Variants in CHTF18 observed in about 807,000 individuals in gnomAD.
CHTF18 encodes chromosome transmission fidelity protein 18 homolog.
In CHTF18, 151 loss-of-function variants were observed where a neutral mutation model predicts 113.4. That is an observed-to-expected ratio of 1.33 (90% CI 1.17 to 1.52). CHTF18 has a LOEUF of 1.52. Among genes scored for constraint, CHTF18 ranks in the 40% most tolerant of loss-of-function variants. The pLI is 0.00. For missense variants in CHTF18, 1,982 were observed against 1,381.6 expected (o/e 1.43, Z -6.89); for synonymous variants, 916 against 598.8 (o/e 1.53, Z -7.74).
chr16:792,679 G>T (rs1308894478), intron 11 of CHTF18, 39 bp from the exon 12 acceptor site: 3 of 1,583,756 alleles, frequency 1.9e-6, no homozygotes, highest in Non-Finnish European at 2.6e-6. Flanking sequence ...GGGCTGTGGT[G>T]CCAACCCTGG....
At chr16:788,820 G>C in intron 1 of CHTF18, 45 bp downstream of exon 1, 1 of 1,561,746 alleles carries the variant, frequency 6.4e-7, no homozygotes. Context: ...GCGAAAGCCG[G>C]GACAGTGGCG....
rs760158226 is a variant in CHTF18 at position 793,125 on chromosome 16, G to GC, written c.1672-14dup. 1 of 1,583,808 alleles carries GC rather than the reference G, an allele frequency of 6.3e-7. No individual in the cohort carries two copies. The highest frequency in any genetic ancestry group is 1.8e-5 in the Admixed American group (1 of 56,350). ...GGGTCAGGAGTTGGCCGCTTCTCAT[G>GC]CCCCCGCCCTATGTCTAGTTCCTGT... On this transcript the variant is annotated intron_variant, in intron 13 of 21. Transcript: ENST00000262315.
Position 797,679 on chromosome 16 carries a change from C to G in CHTF18, c.2734-15C>G. 6.2e-7 allele frequency: 1 copy of G among 1,611,680 alleles called. No homozygotes were observed. Among genetic ancestry groups the G allele is most frequent in the Non-Finnish European group, 8.5e-7 (1 of 1,179,628 alleles). On this transcript the variant is annotated splice_polypyrimidine_tract_variant and intron_variant, in intron 20 of 21. Coordinates refer to ENST00000262315, the MANE Select transcript of CHTF18 (RefSeq NM_022092.3). ...CATCTGTCCTATACGACTGACTAGT[C>G]CTTCCTCCCATCAGCCTGAGAAGGA...
chr16:796,995 TG>T lies in CHTF18; in HGVS notation c.2642del (p.Gly881AlafsTer23). On this transcript the variant is annotated frameshift_variant, in exon 20 of 22. Coordinates refer to ENST00000262315, the MANE Select transcript of CHTF18 (RefSeq NM_022092.3). LOFTEE classifies it high-confidence loss of function. ...AGCCCCCCAGGGCTCGAGGGTCTGC[TG>T]GGGGGCATTGGGGAGAAAGGGGTGC... Reference protein sequence around the residue: ...DGSPPGLEGLLGGIGEKGVHR... With the variant: ...DGSPPGLEGLXGGIGEKGVHR... The T allele has an allele frequency of 2.6e-6, 4 of 1,542,438 alleles. No individual in the cohort carries two copies. The highest frequency in any genetic ancestry group is 2.0e-5 in the Admixed American group (1 of 50,408).
chr16:790,957 C>A, intron 7 of CHTF18: 1 of 1,435,574 alleles, frequency 7.0e-7, no homozygotes, highest in Non-Finnish European at 9.1e-7. Flanking sequence ...AGGGCAGGGG[C>A]CTCCCAGATG....
chr16:797,923 A>T lies in CHTF18; in HGVS notation c.2876A>T (p.Glu959Val). 1 of 1,612,370 alleles carries T rather than the reference A, an allele frequency of 6.2e-7. No individual in the cohort carries two copies. Among genetic ancestry groups the T allele is most frequent in the South Asian group, 1.1e-5 (1 of 91,010 alleles). Residue 959 changes from glutamate to valine, a missense_variant, in exon 22 of 22, where the codon GAG becomes GTG. By Grantham distance (121) the Glu-to-Val change is moderately radical. Coordinates refer to ENST00000262315, the MANE Select transcript of CHTF18 (RefSeq NM_022092.3). ...GRSEVWFRFN[E>V]GVSNAVRRSL... ...AGCGAGGTCTGGTTCCGCTTCAACG[A>T]GGGTGTCTCCAACGCCGTGCGGCGC...
chr16:789,948 C>T (rs950103063), intron 4 of CHTF18: 20 of 1,511,774 alleles, frequency 1.3e-5, no homozygotes, highest in Admixed American at 2.0e-5. Flanking sequence ...CCTTGCTTCC[C>T]CTCCTGCTTT....
Position 795,295 on chromosome 16 carries a change from T to G in CHTF18, c.2114T>G (p.Phe705Cys). 6.5e-7 allele frequency: 1 copy of G among 1,548,908 alleles called. No individual in the cohort carries two copies. The highest frequency in any genetic ancestry group is 8.7e-7 in the Non-Finnish European group (1 of 1,146,706). Residue 705 changes from phenylalanine (F) to cysteine (C), a missense_variant, in exon 16 of 22, where the codon TTC becomes TGC. Transcript: ENST00000262315. The stretch of plus-strand genomic sequence containing the variant: ...TACCCACCCTTCCTGCCCGTGGCCT[T>G]CCATGTGCTGTTTGCTTCCAGCCAC... ...LRYPPFLPVAFHVLFASSHTP... is the reference protein window; with the variant it reads ...LRYPPFLPVACHVLFASSHTP...
chr16:791,296 T>G lies in CHTF18; in HGVS notation c.1030T>G (p.Trp344Gly), dbSNP rs774560775. The G allele has an allele frequency of 3.1e-6, 5 of 1,610,630 alleles. No homozygotes were observed. The South Asian group carries it at 4.4e-5, about 14-fold the overall frequency. ...VSKEATAPGK[W>G]KSHEQVLEEM... ...CAAGGAGGCCACAGCCCCAGGCAAG[T>G]GGAAGAGCCACGAACAGGTGCTGGA... Residue 344 changes from tryptophan to glycine, a missense_variant, in exon 8 of 22, where the codon TGG (tryptophan) becomes GGG (glycine). Coordinates refer to ENST00000262315, the MANE Select transcript of CHTF18 (RefSeq NM_022092.3).
Position 797,903 on chromosome 16 carries a change from G to C in CHTF18, c.2856G>C (p.Glu952Asp). The change falls in exon 22 of 22, where the codon GAG becomes GAC. Residue 952 changes from glutamate (E) to aspartate (D), a missense_variant. Transcript: ENST00000262315. ...TGGGCACAGCGGTGGGCAGGAGCGA[G>C]GTCTGGTTCCGCTTCAACGAGGGTG... ...RRMGTAVGRSEVWFRFNEGVS... is the reference protein window; with the variant it reads ...RRMGTAVGRSDVWFRFNEGVS... 1.9e-6 allele frequency: 3 copies of C among 1,611,870 alleles called. No individual in the cohort carries two copies. The highest frequency in any genetic ancestry group is 2.5e-6 in the Non-Finnish European group (3 of 1,179,606).
intron 10 of CHTF18, 36 bp downstream of exon 10, chr16:792,383 G>A (rs1157200066): frequency 1.1e-5 from 17 of 1,560,950 alleles, no homozygotes; most frequent in Non-Finnish European, 1.5e-5. Flanking sequence ...TGGGTGGGCG[G>A]GCAGGCAGGC....
chr16:792,983 C>A lies in CHTF18; in HGVS notation c.1590C>A (p.Gly530=). 6.4e-7 allele frequency: 1 copy of A among 1,559,014 alleles called. No homozygotes were observed. Among genetic ancestry groups the A allele is most frequent in the African/African-American group, 1.4e-5 (1 of 73,424 alleles). ...TCCACCAGGTCTCCCTGCGGCAGGG[C>A]ATGAGGGCCGACCCAGGGGTGCTGG... ...QRLQEVSLRQ[G]MRADPGVLAA... is the part of the protein sequence containing the mutation. The change falls in exon 13 of 22, where the codon GGC becomes GGA. Residue 530 remains glycine (G), a synonymous_variant. Coordinates refer to ENST00000262315, the MANE Select transcript of CHTF18 (RefSeq NM_022092.3).
chr16:796,639 C>G (rs1051063859), intron 18 of CHTF18, 78 bp from the exon 19 acceptor site: 3 of 1,441,904 alleles, frequency 2.1e-6, no homozygotes, highest in Non-Finnish European at 2.7e-6. Flanking sequence ...TTGGGGTTTG[C>G]GGTTGGAGTG....
At chr16:795,536 C>CT (rs1376729707) in intron 16 of CHTF18, 149 bp from the exon 17 acceptor site, 60 of 126,898 alleles carry the variant, frequency 4.7e-4, no homozygotes, top group Admixed American at 4.2e-3. Context: ...GCCCCGTGCC[C>CT]GCCCCCCCAA....
At chr16:790,695 C>G in intron 7 of CHTF18, 29 bp downstream of exon 7, 2 of 1,502,130 alleles carry the variant, frequency 1.3e-6, no homozygotes, top group Non-Finnish European at 1.8e-6. Flanking sequence ...TCAAGTGTGG[C>G]TGGCTTCCTC....
Position 790,420 on chromosome 16 carries a change from G to A in CHTF18, c.752+21G>A, listed in dbSNP as rs555115888. 18 of 1,612,204 alleles carry A rather than the reference G, an allele frequency of 1.1e-5. No individual in the cohort carries two copies. The Admixed American group carries it at 1.2e-4, about 10-fold the overall frequency. On this transcript the variant is annotated intron_variant, in intron 6 of 21. Transcript: ENST00000262315. Reference sequence around the variant, plus strand: ...CACAGGTGACTTGGTTGGCCCTTCCGCCCTGGGGACCCTTGTTGGCTCTTG... The same window carrying A: ...CACAGGTGACTTGGTTGGCCCTTCCACCCTGGGGACCCTTGTTGGCTCTTG...
Position 791,277 on chromosome 16 carries a change from G to A in CHTF18, c.1011G>A (p.Glu337=), listed in dbSNP as rs771964364. 8 of 1,610,864 alleles carry A rather than the reference G, an allele frequency of 5.0e-6. 1 individual carries two copies. The South Asian group carries it at 7.7e-5, about 16-fold the overall frequency. The part of the protein sequence containing the change: ...PSVEPARVSK[E]ATAPGKWKSH... ...TTGAGCCGGCCCGGGTCAGCAAGGAGGCCACAGCCCCAGGCAAGTGGAAGA... is the reference window on the plus strand; with the variant it reads ...TTGAGCCGGCCCGGGTCAGCAAGGAAGCCACAGCCCCAGGCAAGTGGAAGA... The change falls in exon 8 of 22, where the codon GAG becomes GAA. Residue 337 remains glutamate, a synonymous_variant. Coordinates refer to ENST00000262315, the MANE Select transcript of CHTF18 (RefSeq NM_022092.3).
At chr16:789,146 C>T in intron 2 of CHTF18, 21 bp downstream of exon 2, 2 of 1,549,456 alleles carry the variant, frequency 1.3e-6, no homozygotes, top group Non-Finnish European at 1.7e-6. Context: ...GGCATTGCCC[C>T]AGGGCCTCCG....
intron 15 of CHTF18, 92 bp from the exon 16 acceptor site, chr16:795,040 G>T (rs1272783540): frequency 1.9e-6 from 2 of 1,031,416 alleles, no homozygotes; most frequent in Non-Finnish European, 1.4e-6. Context: ...CGGCAGGCAG[G>T]AGTGGAGGGT....
Sources: allele counts gnomAD v4.1 joint callset, GRCh38; gene constraint gnomAD v4.1.1; transcripts MANE v1.5; gene names NCBI Gene and HGNC (gene_info 2026-07-23, HGNC 2026-07-21).